The following EDIL3 variants were observed in gnomAD, a reference collection of about 807,000 sequenced individuals.
EDIL3 encodes EGF like and discoidin domains 3, also known as EGF-like repeat and discoidin I-like domain-containing protein 3.
Under a neutral mutation model 67.4 loss-of-function variants are expected in EDIL3, and 37 were observed. That is an observed-to-expected ratio of 0.55 (90% confidence interval 0.42 to 0.72). The LOEUF (loss-of-function observed/expected upper bound fraction) is 0.72, where lower values mean the gene tolerates loss of function less well. Among genes scored for constraint, EDIL3 ranks in the 30% least tolerant of loss-of-function variants. The pLI, the probability that EDIL3 is intolerant of heterozygous loss-of-function variation, is 0.00. For synonymous variants in EDIL3, 195 were observed against 196.3 expected, an observed-to-expected ratio of 0.99 and a Z score of 0.05; for missense variants, 527 against 586.3, an observed-to-expected ratio of 0.90 and a Z score of 1.04.
chr5:83,998,295 T>C (rs1402848776), intron 9 of EDIL3, among the ~76,000 whole-genome samples: 1 of 152,188 alleles, frequency 6.6e-6, no homozygotes, highest in Admixed American at 6.5e-5. Context: ...TGCTCTCATT[T>C]CAGGCCCTAG....
At chr5:84,088,597 C>CT (rs1561427564) in intron 6 of EDIL3, among the ~76,000 whole-genome samples, 1 of 151,986 alleles carries the variant, frequency 6.6e-6, no homozygotes, top group South Asian at 2.1e-4. Context: ...CATAGTTTTT[C>CT]TTTTTTTAAT....
At chr5:84,212,101 G>A (rs1302623233) in intron 3 of EDIL3, among the ~76,000 whole-genome samples, 1 of 152,094 alleles carries the variant, frequency 6.6e-6, no homozygotes, top group South Asian at 2.1e-4. Context: ...AGAGCATGAT[G>A]TTATTTTTAT....
intron 1 of EDIL3, among the ~76,000 whole-genome samples, chr5:84,356,194 T>C (rs1439633454): frequency 1.3e-5 from 2 of 152,156 alleles, no homozygotes; most frequent in African/African-American, 2.4e-5. Context: ...TGGGAGGAAA[T>C]TGTGATTCAG....
intron 3 of EDIL3, among the ~76,000 whole-genome samples, chr5:84,187,481 A>T (rs1388314622): frequency 2.0e-5 from 3 of 152,112 alleles, no homozygotes; most frequent in African/African-American, 7.2e-5. Flanking sequence ...TTTAAAAAAT[A>T]TGCCTCCAAA....
At chr5:83,987,869 G>GTATGTATATA (rs1745081927) in intron 9 of EDIL3, among the ~76,000 whole-genome samples, 105 of 138,416 alleles carry the variant, frequency 7.6e-4, no homozygotes, top group African/African-American at 3.0e-3. Flanking sequence ...GTGTGTGTAT[G>GTATGTATATA]TATATATATA....
intron 5 of EDIL3, among the ~76,000 whole-genome samples, chr5:84,117,027 T>TTA (rs1747678997): frequency 7.9e-6 from 1 of 126,130 alleles, no homozygotes; most frequent in Admixed American, 7.8e-5. Flanking sequence ...CTTATTTTTT[T>TTA]TTTTTTTTTT....
intron 1 of EDIL3, among the ~76,000 whole-genome samples, chr5:84,345,686 C>G (rs1489088095): frequency 6.6e-6 from 1 of 152,126 alleles, no homozygotes; most frequent in Non-Finnish European, 1.5e-5. Context: ...AATAGCTGAA[C>G]AGATGCCAGG....
At chr5:84,078,981 C>G (rs1265627880) in intron 6 of EDIL3, among the ~76,000 whole-genome samples, 1 of 152,108 alleles carries the variant, frequency 6.6e-6, no homozygotes, top group Non-Finnish European at 1.5e-5. Flanking sequence ...CACCCCTGCC[C>G]CGTCCTCTAG....
chr5:84,027,450 A>C (rs1745836164), intron 9 of EDIL3, among the ~76,000 whole-genome samples: 1 of 152,208 alleles, frequency 6.6e-6, no homozygotes, highest in South Asian at 2.1e-4. Context: ...GTTTCTAGAT[A>C]GTTTTCATGT....
intron 9 of EDIL3, among the ~76,000 whole-genome samples, chr5:83,973,639 A>G (rs914422188): frequency 6.6e-6 from 1 of 152,010 alleles, no homozygotes; most frequent in Admixed American, 6.6e-5. Flanking sequence ...ATCTTTGACA[A>G]TTACTTTACT....
chr5:84,074,863 G>T (rs1580313938), intron 6 of EDIL3, among the ~76,000 whole-genome samples: 1 of 152,204 alleles, frequency 6.6e-6, no homozygotes, highest in East Asian at 1.9e-4. Context: ...ATGCCCAAAG[G>T]ACTATAAATC....
chr5:83,945,917 G>A (rs181995150), intron 10 of EDIL3, among the ~76,000 whole-genome samples: 16 of 151,966 alleles, frequency 1.1e-4, no homozygotes, highest in Non-Finnish European at 2.4e-4. Context: ...GTAATGACAC[G>A]TACAGAACAC....
chr5:84,071,129 A>G (rs1293215610), intron 6 of EDIL3, among the ~76,000 whole-genome samples: 2 of 152,170 alleles, frequency 1.3e-5, no homozygotes. Flanking sequence ...CTAAGGAGGT[A>G]AATCAGAGTG....
At chr5:84,243,092 A>C (rs1482360295) in intron 2 of EDIL3, among the ~76,000 whole-genome samples, 1 of 149,872 alleles carries the variant, frequency 6.7e-6, no homozygotes, top group East Asian at 2.0e-4. Flanking sequence ...TGTGTGTGTA[A>C]ATGAATGGTG....
intron 3 of EDIL3, among the ~76,000 whole-genome samples, chr5:84,189,334 A>T (rs1417936487): frequency 6.6e-6 from 1 of 151,976 alleles, no homozygotes; most frequent in Non-Finnish European, 1.5e-5. Flanking sequence ...ATCTTCATCC[A>T]CTTAAACTAT....
In EDIL3 at chr5:83,948,970, A is replaced by C. The variant is rs752371737; in HGVS notation, c.1294-5402T>G. 8.0e-4 allele frequency among the ~76,000 whole-genome samples: 122 copies of C among 151,988 alleles called. 1 individual carries two copies. The highest frequency in any genetic ancestry group is 1.5e-3 in the Non-Finnish European group (99 of 67,868). ...GTACATTCTTCCGGATGTAATAAGG[A>C]AACAAGAAATTCATTTCCAGATAAA... is the stretch of plus-strand genomic sequence containing the variant. On this transcript the variant is annotated intron_variant, in intron 10 of 10. Coordinates refer to ENST00000296591, the MANE Select transcript of EDIL3 (RefSeq NM_005711.5).
At chr5:84,138,970 T>C (rs374958814) in intron 4 of EDIL3, among the ~76,000 whole-genome samples, 1 of 152,220 alleles carries the variant, frequency 6.6e-6, no homozygotes, top group East Asian at 1.9e-4. Context: ...CCGGGCGTGG[T>C]GGCTCACACC....
chr5:84,179,907 G>T (rs755673326), intron 4 of EDIL3, among the ~76,000 whole-genome samples: 12 of 152,184 alleles, frequency 7.9e-5, no homozygotes, highest in Admixed American at 6.5e-5. Flanking sequence ...AAGAAGTGCA[G>T]GTAGCATACT....
At chr5:84,366,439 T>G (rs886829249) in intron 1 of EDIL3, among the ~76,000 whole-genome samples, 1 of 152,196 alleles carries the variant, frequency 6.6e-6, no homozygotes, top group Non-Finnish European at 1.5e-5. Context: ...AAAATGTGAC[T>G]CTTGAAACCT....
Sources: gnomAD v4.1 joint callset for allele counts (sites outside exome capture counted in the v4.1 genomes callset) on GRCh38, gnomAD v4.1.1 for gene constraint, MANE v1.5 for transcripts, NCBI Gene and HGNC (gene_info 2026-07-23, HGNC 2026-07-21) for gene names.